The following NWD2 variants were observed in gnomAD, a reference collection of about 807,000 sequenced individuals.
The protein encoded by NWD2 is NACHT and WD repeat domain-containing protein 2.
Under a neutral mutation model 132.7 loss-of-function variants are expected in NWD2, and 37 were observed. The ratio of observed to expected loss-of-function variants is 0.28; its 90% CI spans 0.21 to 0.37. The LOEUF (loss-of-function observed/expected upper bound fraction) is 0.37. Among genes scored for constraint, NWD2 ranks in the 10% least tolerant of loss-of-function variants. The pLI, the probability that NWD2 is intolerant of heterozygous loss-of-function variation, is 1.00. For missense variants in NWD2, 1,592 were observed against 2,122.4 expected (o/e 0.75, Z 4.91); for synonymous variants, 705 against 803.0 (o/e 0.88, Z 2.06).
At chr4:37,408,774 G>C (rs1163838563) in intron 3 of NWD2, among the ~76,000 whole-genome samples, 14 of 152,198 alleles carry the variant, frequency 9.2e-5, no homozygotes, top group Non-Finnish European at 7.3e-5. Context: ...CCTCCTACAG[G>C]AGAGCTCTGG....
chr4:37,256,258 A>G (rs184734629), intron 1 of NWD2, among the ~76,000 whole-genome samples: 1 of 152,330 alleles, frequency 6.6e-6, no homozygotes, highest in East Asian at 1.9e-4. Flanking sequence ...AACAACCAAG[A>G]GAAGGCTTTT....
chr4:37,304,629 T>C (rs2109277895), intron 1 of NWD2, among the ~76,000 whole-genome samples: 1 of 152,334 alleles, frequency 6.6e-6, no homozygotes, highest in South Asian at 2.1e-4. Context: ...GCTACAGGCC[T>C]CATGCAAGTC....
At chr4:37,349,140 CAT>C (rs987417022) in intron 2 of NWD2, among the ~76,000 whole-genome samples, 2 of 152,128 alleles carry the variant, frequency 1.3e-5, no homozygotes, top group African/African-American at 4.8e-5. Flanking sequence ...CCACAATAAA[CAT>C]ATGTGTGCAT....
chr4:37,332,549 A>C (rs1719316438), intron 2 of NWD2, among the ~76,000 whole-genome samples: 1 of 151,970 alleles, frequency 6.6e-6, no homozygotes, highest in Non-Finnish European at 1.5e-5. Flanking sequence ...GTAAGGCACC[A>C]AGGACCAATC....
At chr4:37,405,198 T>C (rs6826632) in intron 3 of NWD2, among the ~76,000 whole-genome samples, 20,985 of 152,126 alleles carry the variant, frequency 0.14, 1,572 homozygotes, top group East Asian at 0.29. Context: ...GACAGCATCA[T>C]CTTGACTTTG....
intron 4 of NWD2, among the ~76,000 whole-genome samples, chr4:37,431,730 T>C (rs559786454): frequency 1.3e-5 from 2 of 152,318 alleles, no homozygotes; most frequent in South Asian, 4.1e-4. Flanking sequence ...CATCACATTG[T>C]GCACCTTTAA....
At chr4:37,408,398 G>A (rs1177892284) in intron 3 of NWD2, among the ~76,000 whole-genome samples, 2 of 152,214 alleles carry the variant, frequency 1.3e-5, no homozygotes, top group Non-Finnish European at 2.9e-5. Context: ...TATGCTCACA[G>A]TGTAAACAAA....
intron 3 of NWD2, among the ~76,000 whole-genome samples, chr4:37,424,722 G>A (rs1055700504): frequency 3.3e-5 from 5 of 152,050 alleles, no homozygotes; most frequent in African/African-American, 7.2e-5. Context: ...GCTGCCTCAC[G>A]CCCAACAAAA....
chr4:37,333,825 C>T (rs951923010), intron 2 of NWD2, among the ~76,000 whole-genome samples: 15 of 152,076 alleles, frequency 9.9e-5, no homozygotes, highest in African/African-American at 3.4e-4. Flanking sequence ...TTCAAGATAA[C>T]ACAGAGAAGG....
chr4:37,372,068 T>G (rs1453445877), intron 3 of NWD2, among the ~76,000 whole-genome samples: 3 of 152,206 alleles, frequency 2.0e-5, no homozygotes, highest in Non-Finnish European at 4.4e-5. Context: ...AATCTTTAAA[T>G]CATTGTTAGA....
intron 1 of NWD2, among the ~76,000 whole-genome samples, chr4:37,265,016 T>C (rs902415990): frequency 1.3e-5 from 2 of 152,048 alleles, no homozygotes; most frequent in Non-Finnish European, 2.9e-5. Flanking sequence ...TAAATTGACA[T>C]AAATTGAAAC....
At chr4:37,325,370 A>G (rs970144340) in intron 1 of NWD2, among the ~76,000 whole-genome samples, 1 of 152,134 alleles carries the variant, frequency 6.6e-6, no homozygotes, top group Non-Finnish European at 1.5e-5. Context: ...TTATTAAACC[A>G]CTGGCCAATT....
intron 2 of NWD2, among the ~76,000 whole-genome samples, chr4:37,333,569 C>A (rs1255403627): frequency 6.6e-6 from 1 of 152,136 alleles, no homozygotes; most frequent in African/African-American, 2.4e-5. Flanking sequence ...ATCACAAACC[C>A]AAGTCCCTTT....
chr4:37,420,002 T>C (rs1299034731), intron 3 of NWD2, among the ~76,000 whole-genome samples: 2 of 152,246 alleles, frequency 1.3e-5, no homozygotes, highest in African/African-American at 4.8e-5. Context: ...GCCTGTTTCC[T>C]AGTTTCCTAG....
At chr4:37,260,018 T>C (rs1717596679) in intron 1 of NWD2, among the ~76,000 whole-genome samples, 1 of 152,220 alleles carries the variant, frequency 6.6e-6, no homozygotes, top group Non-Finnish European at 1.5e-5. Context: ...TTAGGAACCT[T>C]GCCACTCTCT....
intron 2 of NWD2, among the ~76,000 whole-genome samples, chr4:37,333,232 C>T (rs1163344874): frequency 6.6e-6 from 1 of 152,108 alleles, no homozygotes; most frequent in Admixed American, 6.5e-5. Context: ...AGCCCTTGGT[C>T]CTTGAGTGAA....
chr4:37,355,989 A>T (rs570983964), intron 2 of NWD2, among the ~76,000 whole-genome samples: 1 of 152,076 alleles, frequency 6.6e-6, no homozygotes, highest in African/African-American at 2.4e-5. Flanking sequence ...ATTAATACTT[A>T]TGGTAACATT....
intron 2 of NWD2, among the ~76,000 whole-genome samples, chr4:37,346,623 A>G (rs1399430434): frequency 6.6e-6 from 1 of 152,240 alleles, no homozygotes; most frequent in Non-Finnish European, 1.5e-5. Context: ...TCCTAACAAT[A>G]TTAAGTCTCC....
chr4:37,427,003 C>T (rs1712027420), intron 3 of NWD2, among the ~76,000 whole-genome samples: 1 of 151,862 alleles, frequency 6.6e-6, no homozygotes, highest in Non-Finnish European at 1.5e-5. Flanking sequence ...TTCCCTGCTT[C>T]ATGCCCAAAA....
Sources: allele counts gnomAD v4.1 joint callset (sites outside exome capture counted in the v4.1 genomes callset), GRCh38; gene constraint gnomAD v4.1.1; transcripts MANE v1.5; gene names NCBI Gene and HGNC (gene_info 2026-07-23, HGNC 2026-07-21).